ABCA12: variants seen among roughly 807,000 people sequenced by gnomAD.
The protein encoded by ABCA12 is glucosylceramide transporter ABCA12.
In ABCA12, 156 loss-of-function variants were observed where a neutral mutation model predicts 293.5. That is an observed-to-expected ratio of 0.53 (90% CI 0.47 to 0.61). ABCA12 has a LOEUF of 0.61. ABCA12 is among the 20% of genes least tolerant of loss of function. ABCA12 has a pLI of 0.00. For synonymous variants in ABCA12, 1,063 were observed against 1,108.0 expected, an observed-to-expected ratio of 0.96 and a Z score of 0.81; for missense variants, 2,797 against 3,090.2, an observed-to-expected ratio of 0.91 and a Z score of 2.25.
Position 214,987,650 on chromosome 2 carries a change from C to A in ABCA12, c.3973G>T (p.Ala1325Ser), listed in dbSNP as rs1559132115. Residue 1325 changes from alanine (A) to serine (S), a missense_variant, in exon 27 of 53, where the codon GCC becomes TCC. By Grantham distance (99) the Ala-to-Ser change is moderately conservative (BLOSUM62 1). Around this residue, in one of 3 missense-constraint regions of ABCA12, gnomAD observed 2,130 missense variants for 2,427.0 expected, o/e 0.88. Coordinates refer to ENST00000272895, the MANE Select transcript of ABCA12 (RefSeq NM_173076.3). ...NIMMQNTNPSASPEYMFSSNI... is the reference protein window; with the variant it reads ...NIMMQNTNPSSSPEYMFSSNI... ...GCTGTTGACCGACTTGTCTTACTGG[C>A]AGATGGGTTGGTGTTCTGCATCATG... 2.5e-6 allele frequency: 4 copies of A among 1,612,062 alleles called. No homozygotes were observed. Among genetic ancestry groups the A allele is most frequent in the African/African-American group, 1.3e-5 (1 of 74,990 alleles).
At chr2:215,119,497 G>A (rs796208704) in intron 1 of ABCA12, among the ~76,000 whole-genome samples, 49 of 152,028 alleles carry the variant, frequency 3.2e-4, no homozygotes, top group African/African-American at 1.1e-3. Flanking sequence ...GGAAAGGTAC[G>A]GGTCCAGTTT....
chr2:214,943,896 TA>T (rs1172843006), intron 49 of ABCA12, among the ~76,000 whole-genome samples: 1 of 152,236 alleles, frequency 6.6e-6, no homozygotes, highest in Non-Finnish European at 1.5e-5. Context: ...AGTCTCTTGA[TA>T]ATAAGCAAAT....
At chr2:215,103,877 C>T (rs113872950) in intron 2 of ABCA12, among the ~76,000 whole-genome samples, 4 of 152,132 alleles carry the variant, frequency 2.6e-5, no homozygotes, top group African/African-American at 9.6e-5. Flanking sequence ...ACCCCAGCTA[C>T]TCAGGAGGCA....
At position 215,000,629 on chromosome 2, in the gene ABCA12, A is replaced by T; in HGVS notation, c.3179+76T>A. 2.1e-5 allele frequency: 32 copies of T among 1,542,618 alleles called. 1 individual carries two copies. In the South Asian group the frequency reaches 3.3e-4, roughly 16 times the overall value. ...GAATGTTGTTCCTTTCATGTAATACATCTGAATGAATGGACTGAAGTGAGT... is the reference window on the plus strand; with the variant it reads ...GAATGTTGTTCCTTTCATGTAATACTTCTGAATGAATGGACTGAAGTGAGT... On this transcript the variant is annotated intron_variant, in intron 22 of 52. Coordinates refer to ENST00000272895, the MANE Select transcript of ABCA12 (RefSeq NM_173076.3).
chr2:214,992,021 TA>T (rs1359545942), intron 23 of ABCA12, among the ~76,000 whole-genome samples: 2 of 152,118 alleles, frequency 1.3e-5, no homozygotes, highest in African/African-American at 4.8e-5. Flanking sequence ...TCCCATAACT[TA>T]AAGTATAATA....
rs529053915 is a variant in ABCA12 at position 214,948,743 on chromosome 2, T to C, written c.6963-6A>G. 1.2e-6 allele frequency: 2 copies of C among 1,613,994 alleles called. No homozygotes were observed. Among genetic ancestry groups the C allele is most frequent in the African/African-American group, 1.3e-5 (1 of 75,004 alleles). On this transcript the variant is annotated splice_polypyrimidine_tract_variant and splice_region_variant and intron_variant, in intron 46 of 52. Coordinates refer to ENST00000272895, the MANE Select transcript of ABCA12 (RefSeq NM_173076.3). ...AATCAACGTGACCCAGAGATCTGAATTGAGAGAATCAAAAACACAGATGAA... is the reference window on the plus strand; with the variant it reads ...AATCAACGTGACCCAGAGATCTGAACTGAGAGAATCAAAAACACAGATGAA...
In ABCA12 at chr2:215,049,625, C is replaced by T. The variant is rs957637813; in HGVS notation, c.693+1G>A. 6.1e-5 allele frequency: 99 copies of T among 1,612,848 alleles called. No individual in the cohort carries two copies. Among genetic ancestry groups the T allele is most frequent in the Non-Finnish European group, 8.1e-5 (95 of 1,179,230 alleles). ...TTTGTGGATCAAAGATCTACACTCA[C>T]CTGGGAGAACTGTTTGTTTAGTTCT... On this transcript the variant is annotated splice_donor_variant, in intron 6 of 52. Transcript: ENST00000272895. LOFTEE classifies it high-confidence loss of function.
intron 1 of ABCA12, among the ~76,000 whole-genome samples, chr2:215,122,637 A>G (rs1273322624): frequency 2.0e-5 from 3 of 152,210 alleles, no homozygotes; most frequent in Non-Finnish European, 2.9e-5. Flanking sequence ...TCTATCATCA[A>G]CTGAGCTACA....
intron 1 of ABCA12, among the ~76,000 whole-genome samples, chr2:215,130,720 G>T (rs1016294886): frequency 1.3e-5 from 2 of 151,948 alleles, no homozygotes; most frequent in African/African-American, 4.8e-5. Flanking sequence ...TTCCAATTTG[G>T]ATGCCTCTTA....
At chr2:215,019,268 T>C in intron 13 of ABCA12, 68 bp downstream of exon 13, 1 of 1,466,308 alleles carries the variant, frequency 6.8e-7, no homozygotes, top group Non-Finnish European at 9.5e-7. Flanking sequence ...AAAAGCTTTC[T>C]TAAACTGCAG....
intron 31 of ABCA12, among the ~76,000 whole-genome samples, chr2:214,979,781 G>A: frequency 2.0e-5 from 3 of 152,198 alleles, no homozygotes; most frequent in Middle Eastern, 6.8e-3. Flanking sequence ...ATAATTAAGA[G>A]TATAACTATT....
chr2:215,045,861 A>G lies in ABCA12; in HGVS notation c.848T>C (p.Phe283Ser), dbSNP rs543778192. ...FQNDTSLSNLFDVLRKANSVL... is the reference protein window; with the variant it reads ...FQNDTSLSNLSDVLRKANSVL... ...CCTGTTTGCCTTTCGAAGAACATCA[A>G]ATAGATTGCTTAGTGATGTGTCATT... Residue 283 changes from phenylalanine to serine, a missense_variant, in exon 7 of 53, where the codon TTT (phenylalanine) becomes TCT (serine). This residue lies in a region of ABCA12 where 656 missense variants were observed against 638.2 expected (regional missense o/e 1.03). Coordinates refer to ENST00000272895, the MANE Select transcript of ABCA12 (RefSeq NM_173076.3). 2.8e-5 allele frequency: 45 copies of G among 1,613,586 alleles called. 1 individual carries two copies. Among genetic ancestry groups the G allele is most frequent in the South Asian group, 1.6e-4 (15 of 91,048 alleles).
chr2:215,062,684 C>CGGCATGCAT (rs1553539505), intron 3 of ABCA12, among the ~76,000 whole-genome samples: 1 of 151,302 alleles, frequency 6.6e-6, no homozygotes, highest in Non-Finnish European at 1.5e-5. Context: ...TGCTGTTTCT[C>CGGCATGCAT]GGCATGCAAC....
At position 215,037,038 on chromosome 2, in the gene ABCA12, A is replaced by C; in HGVS notation, c.900T>G (p.Tyr300Ter). 1 of 1,613,960 alleles carries C rather than the reference A, an allele frequency of 6.2e-7. No individual in the cohort carries two copies. The highest frequency in any genetic ancestry group is 1.1e-5 in the South Asian group (1 of 91,080). The change falls in exon 8 of 53, where the codon TAT becomes TAG. Residue 300 changes from tyrosine to a stop codon, truncating the protein, a stop_gained. Coordinates refer to ENST00000272895, the MANE Select transcript of ABCA12 (RefSeq NM_173076.3). LOFTEE classifies it high-confidence loss of function. Reference protein sequence around the residue: ...NSVLLVVQKVYPRFATNEGFR... With the variant: ...NSVLLVVQKV ...AACCTTCGTTAGTTGCAAAACGTGG[A>C]TAAACCTTCTGCACAACCAGCAGCA... is the stretch of plus-strand genomic sequence containing the variant.
intron 1 of ABCA12, among the ~76,000 whole-genome samples, chr2:215,135,683 A>G (rs1235042062): frequency 6.6e-6 from 1 of 152,314 alleles, no homozygotes; most frequent in African/African-American, 2.4e-5. Flanking sequence ...CCTCAAATTC[A>G]TATGTACCTT....
chr2:215,059,961 C>T (rs1416303773), intron 3 of ABCA12, among the ~76,000 whole-genome samples: 1 of 151,950 alleles, frequency 6.6e-6, no homozygotes, highest in Non-Finnish European at 1.5e-5. Context: ...CTGGTAACCA[C>T]CACCCTATCT....
chr2:214,948,954 A>G, intron 46 of ABCA12, 86 bp downstream of exon 46: 2 of 1,326,332 alleles, frequency 1.5e-6, no homozygotes, highest in East Asian at 2.4e-5. Context: ...TAATATAACC[A>G]CAAAATAACA....
intron 50 of ABCA12, among the ~76,000 whole-genome samples, chr2:214,937,924 C>T (rs568415016): frequency 8.4e-4 from 128 of 152,164 alleles, no homozygotes; most frequent in African/African-American, 2.8e-3. Flanking sequence ...ATGTTAATTT[C>T]TGCAGTTAAA....
rs949576201 is a variant in ABCA12, at chr2:215,049,694, T to C, written c.625A>G (p.Lys209Glu). The C allele has an allele frequency of 7.4e-6, 12 of 1,613,556 alleles. No individual in the cohort carries two copies. In the African/African-American group the frequency reaches 9.3e-5, roughly 13 times the overall value. ...AGGGTCATGTTAGAAAGGCAAAATT[T>C]GTTAAAAACATTTCTTCCTAGAAAG... ...WTFLGRNVFNKFCLSNMTLLE... is the reference protein window; with the variant it reads ...WTFLGRNVFNEFCLSNMTLLE... Residue 209 changes from lysine (K) to glutamate (E), a missense_variant, in exon 6 of 53, where the codon AAA (lysine) becomes GAA (glutamate). Coordinates refer to ENST00000272895, the MANE Select transcript of ABCA12 (RefSeq NM_173076.3).
Sources: allele counts gnomAD v4.1 joint callset (sites outside exome capture counted in the v4.1 genomes callset), GRCh38; gene constraint gnomAD v4.1.1; regional missense constraint gnomAD v4.1.1; transcripts MANE v1.5; gene names NCBI Gene and HGNC (gene_info 2026-07-23, HGNC 2026-07-21).